The following GPC6 variants were observed in gnomAD, a reference collection of about 807,000 sequenced individuals.
The protein encoded by GPC6 is glypican-6.
In GPC6, 14 loss-of-function variants were observed where a neutral mutation model predicts 55.2. The ratio of observed to expected loss-of-function variants is 0.25; its 90% CI spans 0.17 to 0.40. GPC6 has a LOEUF of 0.40. Ranked by LOEUF, GPC6 falls within the 10% of genes least tolerant of loss-of-function variation. The pLI is 1.00. For missense variants in GPC6, 641 were observed against 708.5 expected (o/e 0.90, Z 1.08); for synonymous variants, 278 against 259.6 (o/e 1.07, Z -0.68).
intron 2 of GPC6, among the ~76,000 whole-genome samples, chr13:93,780,236 A>G (rs757532091): frequency 6.6e-6 from 1 of 152,142 alleles, no homozygotes; most frequent in Admixed American, 6.5e-5. Context: ...AAATATGTGT[A>G]TTAGATTCAT....
chr13:94,142,159 C>T (rs973978262), intron 4 of GPC6, among the ~76,000 whole-genome samples: 2 of 152,098 alleles, frequency 1.3e-5, no homozygotes, highest in Non-Finnish European at 2.9e-5. Context: ...CATGTGAAGA[C>T]GCATTTAAAA....
chr13:93,257,524 T>C (rs1199739058), intron 1 of GPC6, among the ~76,000 whole-genome samples: 2 of 152,246 alleles, frequency 1.3e-5, no homozygotes, highest in Non-Finnish European at 2.9e-5. Context: ...AGAGGCTTCA[T>C]GTTGCAACAC....
At chr13:94,083,107 GT>G (rs979246739) in intron 4 of GPC6, among the ~76,000 whole-genome samples, 1 of 151,968 alleles carries the variant, frequency 6.6e-6, no homozygotes, top group Non-Finnish European at 1.5e-5. Flanking sequence ...CCTGCTCAAG[GT>G]TTTTTTGTTT....
At position 93,510,795 on chromosome 13, in the gene GPC6, T is replaced by A. The variant is rs1370755334; in HGVS notation, c.161-34468T>A. On this transcript the variant is annotated intron_variant, in intron 1 of 8. Coordinates refer to ENST00000377047, the MANE Select transcript of GPC6 (RefSeq NM_005708.5). ...TAAGCTTTTTCTTTTCTCTACATCCTCACCAACATGTTATTTTGTCTTTCT... is the reference window on the plus strand; with the variant it reads ...TAAGCTTTTTCTTTTCTCTACATCCACACCAACATGTTATTTTGTCTTTCT... Among the ~76,000 whole-genome samples the A allele has an allele frequency of 1.1e-4, 16 of 150,808 alleles. No individual in the cohort carries two copies. In the Admixed American group the frequency reaches 1.1e-3, roughly 10 times the overall value.
intron 2 of GPC6, among the ~76,000 whole-genome samples, chr13:93,685,668 C>T (rs1250664545): frequency 6.6e-6 from 1 of 151,982 alleles, no homozygotes; most frequent in Non-Finnish European, 1.5e-5. Flanking sequence ...GCTGATGAGC[C>T]TGGAGTCGCT....
chr13:94,333,682 A>G (rs1002243498), intron 6 of GPC6, among the ~76,000 whole-genome samples: 1 of 152,202 alleles, frequency 6.6e-6, no homozygotes, highest in African/African-American at 2.4e-5. Context: ...CTAGTCAGGA[A>G]ACTGAGGTCC....
At chr13:93,520,533 A>T (rs1881373078) in intron 1 of GPC6, among the ~76,000 whole-genome samples, 1 of 47,210 alleles carries the variant, frequency 2.1e-5, no homozygotes, top group Non-Finnish European at 5.3e-5. Flanking sequence ...AAGTTGCTGA[A>T]ATAGACTTTA....
rs1555287682 is a variant in GPC6, at chr13:93,285,634, G to GTGTGTGTGTGTGTGTGTA, written c.160+58035_160+58036insATGTGTGTGTGTGTGTGT. ...TATACTGCTGTGTGTGTGTGTGTGT[G>GTGTGTGTGTGTGTGTGTA]TGTGTGTGTGTGTGTGTGTGTGTGT... On this transcript the variant is annotated intron_variant, in intron 1 of 8. Transcript: ENST00000377047. Among the ~76,000 whole-genome samples, 6 of 147,022 alleles carry GTGTGTGTGTGTGTGTGTA rather than the reference G, an allele frequency of 4.1e-5. No homozygotes were observed. The East Asian group carries it at 6.2e-4, about 15-fold the overall frequency.
intron 3 of GPC6, among the ~76,000 whole-genome samples, chr13:93,977,754 T>C (rs1233382437): frequency 6.6e-6 from 1 of 152,162 alleles, no homozygotes; most frequent in Non-Finnish European, 1.5e-5. Context: ...ATCTTTGTCC[T>C]ACCTAAGGAC....
At chr13:93,845,332 A>C (rs961008417) in intron 3 of GPC6, among the ~76,000 whole-genome samples, 2 of 149,870 alleles carry the variant, frequency 1.3e-5, no homozygotes, top group Admixed American at 1.3e-4. Flanking sequence ...GTCAGGAAAC[A>C]ACAGGTGCTG....
rs562710504 is a variant in GPC6 at position 93,930,044 on chromosome 13, TA to T, written c.712-97678del. On this transcript the variant is annotated intron_variant, in intron 3 of 8. Transcript: ENST00000377047. Reference sequence around the variant, plus strand: ...TGTTGATGTTTTCAAACTTTTTAATTAAAAAAATAAATTTAAAAAAAAATGC... The same window carrying T: ...TGTTGATGTTTTCAAACTTTTTAATTAAAAAATAAATTTAAAAAAAAATGC... Among the ~76,000 whole-genome samples, 322 of 151,954 alleles carry T rather than the reference TA, an allele frequency of 2.1e-3. 1 individual carries two copies. Among genetic ancestry groups the T allele is most frequent in the African/African-American group, 7.5e-3 (309 of 41,442 alleles).
At chr13:93,735,930 G>C (rs1352074524) in intron 2 of GPC6, among the ~76,000 whole-genome samples, 3 of 152,202 alleles carry the variant, frequency 2.0e-5, no homozygotes, top group African/African-American at 7.2e-5. Flanking sequence ...CAAGGGTCTT[G>C]TTCCTTTTGC....
At chr13:94,394,315 C>T (rs899833856) in intron 7 of GPC6, among the ~76,000 whole-genome samples, 1 of 152,238 alleles carries the variant, frequency 6.6e-6, no homozygotes, top group Non-Finnish European at 1.5e-5. Flanking sequence ...CTGCTCAACT[C>T]TCCAGGTTGT....
At chr13:93,430,129 G>A (rs1227568535) in intron 1 of GPC6, among the ~76,000 whole-genome samples, 2 of 152,100 alleles carry the variant, frequency 1.3e-5, no homozygotes, top group Non-Finnish European at 2.9e-5. Context: ...AACATTTGTG[G>A]AAGAAAAATA....
At chr13:93,447,769 C>T (rs959941028) in intron 1 of GPC6, among the ~76,000 whole-genome samples, 3 of 152,110 alleles carry the variant, frequency 2.0e-5, no homozygotes, top group Admixed American at 1.3e-4. Flanking sequence ...CAATTTTCAT[C>T]GAGTTGCCTT....
chr13:94,289,734 G>A (rs1427904783), intron 5 of GPC6, among the ~76,000 whole-genome samples: 1 of 152,146 alleles, frequency 6.6e-6, no homozygotes, highest in Non-Finnish European at 1.5e-5. Flanking sequence ...TGGATTTTAG[G>A]TATGTCTAGT....
chr13:94,352,009 A>G (rs1038004530), intron 6 of GPC6, among the ~76,000 whole-genome samples: 1 of 151,924 alleles, frequency 6.6e-6, no homozygotes, highest in Non-Finnish European at 1.5e-5. Flanking sequence ...AAAAGAAAAT[A>G]GAACGAAGAA....
chr13:93,455,953 T>C (rs1878437496), intron 1 of GPC6, among the ~76,000 whole-genome samples: 1 of 152,220 alleles, frequency 6.6e-6, no homozygotes, highest in Admixed American at 6.5e-5. Flanking sequence ...GTTCTCTTTA[T>C]TTACTAGGCC....
At chr13:94,114,355 C>A (rs1206973523) in intron 4 of GPC6, among the ~76,000 whole-genome samples, 1 of 151,998 alleles carries the variant, frequency 6.6e-6, no homozygotes. Context: ...ATGGCCTTGG[C>A]TTTGAAGAAT....
Sources: gnomAD v4.1 joint callset for allele counts (sites outside exome capture counted in the v4.1 genomes callset) on GRCh38, gnomAD v4.1.1 for gene constraint, MANE v1.5 for transcripts, NCBI Gene and HGNC (gene_info 2026-07-23, HGNC 2026-07-21) for gene names.